Variants in PNLIP observed in about 807,000 individuals in gnomAD.
PNLIP encodes pancreatic lipase.
Under a neutral mutation model 57.1 loss-of-function variants are expected in PNLIP, and 49 were observed. The ratio of observed to expected loss-of-function variants is 0.86; its 90% CI spans 0.68 to 1.09. PNLIP has a LOEUF of 1.09. Among genes scored for constraint, PNLIP ranks in the 50% least tolerant of loss-of-function variants. PNLIP has a pLI of 0.00. For missense variants in PNLIP, 503 were observed against 570.2 expected, an observed-to-expected ratio of 0.88 and a Z score of 1.20; for synonymous variants, 209 against 200.4, an observed-to-expected ratio of 1.04 and a Z score of -0.36.
intron 2 of PNLIP, among the ~76,000 whole-genome samples, chr10:116,547,033 A>G (rs1251695944): frequency 6.6e-6 from 1 of 152,182 alleles, no homozygotes; most frequent in Non-Finnish European, 1.5e-5. Context: ...TAGAGGCTAA[A>G]AGGAGTCCCA....
chr10:116,560,276 TACACACACACAC>T lies in PNLIP; in HGVS notation c.1061-118_1061-107del, dbSNP rs71301597. On this transcript the variant is annotated intron_variant, in intron 10 of 12. Coordinates refer to ENST00000369221, the MANE Select transcript of PNLIP (RefSeq NM_000936.4). ...ATCTATCACTATTTCATTAGAAAAT[TACACACACACAC>T]ACACACACACACACACACACAATTA... is the stretch of plus-strand genomic sequence containing the variant. 219 of 425,206 alleles carry T rather than the reference TACACACACACAC, an allele frequency of 5.2e-4. 1 individual carries two copies. The highest frequency in any genetic ancestry group is 5.1e-3 in the South Asian group (108 of 21,264). 26.3% of individuals were successfully genotyped at this position (425,206 alleles called of 1,614,324 possible). A position where few individuals can be genotyped will look rare whatever the true frequency, so the allele number is the denominator to read the frequency against.
intron 12 of PNLIP, among the ~76,000 whole-genome samples, chr10:116,566,086 T>G (rs1847364868): frequency 6.6e-6 from 1 of 152,156 alleles, no homozygotes. Flanking sequence ...TGGGATTACA[T>G]GTGTGGGCCA....
chr10:116,567,643 C>G, intron 12 of PNLIP, 92 bp from the exon 13 acceptor site: 1 of 1,025,372 alleles, frequency 9.8e-7, no homozygotes, highest in Non-Finnish European at 1.5e-6. Context: ...TTCCCTCAGA[C>G]TAGGAGGTTG....
Position 116,555,634 on chromosome 10 carries a change from A to G in PNLIP, c.811+127A>G, listed in dbSNP as rs1847245532. 3.7e-6 allele frequency: 4 copies of G among 1,069,188 alleles called. No individual in the cohort carries two copies. In the East Asian group the frequency reaches 7.2e-5, roughly 19 times the overall value. The allele number at this position is 1,069,188 out of a possible 1,614,324, so 66.2% of individuals were successfully genotyped here. ...TACATAACAAAAGACTTTTAATTGTATCCATGAGATGTAGGTTTTCACTGG... is the reference window on the plus strand; with the variant it reads ...TACATAACAAAAGACTTTTAATTGTGTCCATGAGATGTAGGTTTTCACTGG... On this transcript the variant is annotated intron_variant, in intron 8 of 12. Coordinates refer to ENST00000369221, the MANE Select transcript of PNLIP (RefSeq NM_000936.4).
chr10:116,560,431 T>C lies in PNLIP; in HGVS notation c.1076T>C (p.Val359Ala). Residue 359 changes from valine to alanine, a missense_variant, in exon 11 of 13, where the codon GTA becomes GCA. Transcript: ENST00000369221. ...ASNFARWRYKVSVTLSGKKVT... is the reference protein window; with the variant it reads ...ASNFARWRYKASVTLSGKKVT... ...TCCCTTGCAGGTTGGAGGTATAAGG[T>C]ATCTGTCACACTGTCTGGAAAAAAG... 6.3e-7 allele frequency: 1 copy of C among 1,592,300 alleles called. No individual in the cohort carries two copies.
intron 12 of PNLIP, 85 bp from the exon 13 acceptor site, chr10:116,567,650 G>C: frequency 1.8e-6 from 2 of 1,111,814 alleles, no homozygotes; most frequent in Non-Finnish European, 2.7e-6. Context: ...AGACTAGGAG[G>C]TTGGGGGCAT....
In PNLIP at chr10:116,555,165, C is replaced by T. The variant is rs1169603698; in HGVS notation, c.572-13C>T. On this transcript the variant is annotated splice_polypyrimidine_tract_variant and intron_variant, in intron 6 of 12. Transcript: ENST00000369221. Reference sequence around the variant, plus strand: ...GACTTGTCATAATTCATGAAACATACTCTTTACTTTAGGGTTGGACCCAGC... The same window carrying T: ...GACTTGTCATAATTCATGAAACATATTCTTTACTTTAGGGTTGGACCCAGC... The T allele has an allele frequency of 1.9e-6, 3 of 1,613,816 alleles. No individual in the cohort carries two copies. The highest frequency in any genetic ancestry group is 2.7e-5 in the African/African-American group (2 of 74,874).
intron 2 of PNLIP, 68 bp downstream of exon 2, chr10:116,546,206 A>G (rs1157883252): frequency 3.8e-6 from 5 of 1,313,166 alleles, no homozygotes; most frequent in South Asian, 3.5e-5. Flanking sequence ...GGGCTAGGGC[A>G]GCTGAATTCA....
chr10:116,547,443 T>A lies in PNLIP; in HGVS notation c.196T>A (p.Phe66Ile). 2 of 1,611,470 alleles carry A rather than the reference T, an allele frequency of 1.2e-6. No homozygotes were observed. The highest frequency in any genetic ancestry group is 1.7e-6 in the Non-Finnish European group (2 of 1,179,206). ...ATATACTAATGAGAACCCAAACAAC[T>A]TTCAAGTAAGAACTATCACTGTGTT... ...LLYTNENPNN[F>I]QEVAADSSSI... The change falls in exon 3 of 13, where the codon TTT (phenylalanine) becomes ATT (isoleucine). Residue 66 changes from phenylalanine (F) to isoleucine (I), a missense_variant. Phe to Ile is a conservative substitution (Grantham distance 21). Transcript: ENST00000369221.
At chr10:116,564,117 T>TA (rs745626301) in intron 12 of PNLIP, among the ~76,000 whole-genome samples, 3 of 152,056 alleles carry the variant, frequency 2.0e-5, no homozygotes, top group Non-Finnish European at 2.9e-5. Flanking sequence ...CCAATACACA[T>TA]AAAAATCAAA....
chr10:116,549,665 C>T (rs1847169376), intron 4 of PNLIP, among the ~76,000 whole-genome samples: 1 of 152,030 alleles, frequency 6.6e-6, no homozygotes, highest in South Asian at 2.1e-4. Flanking sequence ...CACAACTTGT[C>T]CTCCAAAATA....
In PNLIP at chr10:116,556,632, C is replaced by T. The variant is rs116705161; in HGVS notation, c.930+514C>T. ...TAAGTTCCAGGATACTAGTGCAGAACGTGCAGGTTTGTTACATAGGTAAAT... is the reference window on the plus strand; with the variant it reads ...TAAGTTCCAGGATACTAGTGCAGAATGTGCAGGTTTGTTACATAGGTAAAT... On this transcript the variant is annotated intron_variant, in intron 9 of 12. Transcript: ENST00000369221. Among the ~76,000 whole-genome samples, 441 of 151,948 alleles carry T rather than the reference C, an allele frequency of 2.9e-3. 2 individuals are homozygous for T. Among genetic ancestry groups the T allele is most frequent in the African/African-American group, 9.8e-3 (406 of 41,458 alleles).
rs540567809 is a variant in PNLIP, at chr10:116,556,016, G to A, written c.828G>A (p.Ala276=). ...DGIWEGTRDF[A]ACNHLRSYKY... ...GATTCAAAGGGACTCGAGACTTTGCGGCCTGTAATCACTTAAGAAGCTACA... is the reference window on the plus strand; with the variant it reads ...GATTCAAAGGGACTCGAGACTTTGCAGCCTGTAATCACTTAAGAAGCTACA... The change falls in exon 9 of 13, where the codon GCG becomes GCA. Residue 276 remains alanine, a synonymous_variant. Coordinates refer to ENST00000369221, the MANE Select transcript of PNLIP (RefSeq NM_000936.4). 2.4e-5 allele frequency: 38 copies of A among 1,610,814 alleles called. No homozygotes were observed. The highest frequency in any genetic ancestry group is 1.8e-4 in the South Asian group (16 of 90,904).
intron 12 of PNLIP, among the ~76,000 whole-genome samples, chr10:116,566,854 A>G (rs1010899858): frequency 4.6e-5 from 7 of 152,210 alleles, no homozygotes; most frequent in African/African-American, 1.4e-4. Context: ...GTGAAGGGAA[A>G]AAAACATTTT....
At chr10:116,552,810 C>T (rs1258691822) in intron 5 of PNLIP, among the ~76,000 whole-genome samples, 9 of 151,906 alleles carry the variant, frequency 5.9e-5, no homozygotes, top group East Asian at 1.9e-4. Context: ...GGCGTGAACC[C>T]GGGAGGTGGA....
chr10:116,565,249 CAAAA>C (rs71010093), intron 12 of PNLIP, among the ~76,000 whole-genome samples: 1 of 33,400 alleles, frequency 3.0e-5, no homozygotes, highest in Non-Finnish European at 4.8e-5. Context: ...GACAATGTCT[CAAAA>C]AAAAAAAAAA....
Position 116,551,112 on chromosome 10 carries a change from G to T in PNLIP, c.339G>T (p.Val113=). 6.2e-7 allele frequency: 1 copy of T among 1,600,362 alleles called. No homozygotes were observed. Among genetic ancestry groups the T allele is most frequent in the Non-Finnish European group, 8.5e-7 (1 of 1,172,544 alleles). The change falls in exon 5 of 13, where the codon GTG becomes GTT. Residue 113 remains valine, a synonymous_variant. Coordinates refer to ENST00000369221, the MANE Select transcript of PNLIP (RefSeq NM_000936.4). ...LANVCKNLFK[V]ESVNCICVDW... ...CCTTCCACCAGAATCTGTTCAAGGT[G>T]GAAAGTGTGAACTGTATCTGTGTGG...
At chr10:116,566,099 G>A (rs1441509955) in intron 12 of PNLIP, among the ~76,000 whole-genome samples, 1 of 152,168 alleles carries the variant, frequency 6.6e-6, no homozygotes, top group Admixed American at 6.5e-5. Context: ...GTGGGCCACC[G>A]TGCCTGGCCT....
Position 116,556,010 on chromosome 10 carries a change from C to T in PNLIP, c.822C>T (p.Asp274=). The T allele has an allele frequency of 1.2e-6, 2 of 1,608,662 alleles. No individual in the cohort carries two copies. The highest frequency in any genetic ancestry group is 8.5e-7 in the Non-Finnish European group (1 of 1,175,184). Residue 274 remains aspartate, a synonymous_variant, in exon 9 of 13, where the codon GAC becomes GAT. Transcript: ENST00000369221. ...DIDGIWEGTR[D]FAACNHLRSY... ...GTGTCTGATTCAAAGGGACTCGAGA[C>T]TTTGCGGCCTGTAATCACTTAAGAA...
Sources: allele counts gnomAD v4.1 joint callset (sites outside exome capture counted in the v4.1 genomes callset), GRCh38; gene constraint gnomAD v4.1.1; transcripts MANE v1.5; gene names NCBI Gene and HGNC (gene_info 2026-07-23, HGNC 2026-07-21).